The following CTNND2 variants were observed in gnomAD, a reference collection of about 807,000 sequenced individuals.
CTNND2 encodes the protein catenin delta 2.
In CTNND2, 22 loss-of-function variants were observed where a neutral mutation model predicts 144.4. The ratio of observed to expected loss-of-function variants is 0.15; its 90% CI spans 0.11 to 0.22. The LOEUF is 0.22. Among genes scored for constraint, CTNND2 ranks in the 10% least tolerant of loss-of-function variants. The pLI, the probability that CTNND2 is intolerant of heterozygous loss-of-function variation, is 1.00. For synonymous variants in CTNND2, 751 were observed against 695.6 expected (o/e 1.08, Z -1.25); for missense variants, 1,353 against 1,618.8 (o/e 0.84, Z 2.82).
At chr5:11,461,163 T>G (rs1213096239) in intron 3 of CTNND2, among the ~76,000 whole-genome samples, 2 of 151,512 alleles carry the variant, frequency 1.3e-5, no homozygotes, top group Non-Finnish European at 2.9e-5. Context: ...AGGGACTTTG[T>G]TTTTTTTTAA....
chr5:11,260,864 G>T (rs1744785315), intron 9 of CTNND2, among the ~76,000 whole-genome samples: 1 of 152,090 alleles, frequency 6.6e-6, no homozygotes, highest in Non-Finnish European at 1.5e-5. Context: ...ACTATTATAG[G>T]GAAGTATAAT....
At chr5:11,547,735 T>G (rs1283806740) in intron 3 of CTNND2, among the ~76,000 whole-genome samples, 1 of 152,154 alleles carries the variant, frequency 6.6e-6, no homozygotes. Context: ...CCAAAATAAT[T>G]AGGAAAATGT....
intron 1 of CTNND2, among the ~76,000 whole-genome samples, chr5:11,793,226 G>A (rs750690729): frequency 2.6e-5 from 4 of 152,230 alleles, no homozygotes; most frequent in East Asian, 1.9e-4. Context: ...GAGGCCCCAC[G>A]TCTGATCTGC....
chr5:11,593,139 G>A (rs551888273), intron 2 of CTNND2, among the ~76,000 whole-genome samples: 1 of 152,254 alleles, frequency 6.6e-6, no homozygotes, highest in South Asian at 2.1e-4. Context: ...GCACATGCAT[G>A]ACCTTGGAGT....
intron 2 of CTNND2, among the ~76,000 whole-genome samples, chr5:11,649,138 T>C (rs1363183461): frequency 6.6e-6 from 1 of 152,198 alleles, no homozygotes; most frequent in East Asian, 1.9e-4. Flanking sequence ...TTAACAGCTT[T>C]ATTTACATAG....
chr5:11,733,221 G>A (rs1787492507), intron 1 of CTNND2, among the ~76,000 whole-genome samples: 1 of 152,198 alleles, frequency 6.6e-6, no homozygotes, highest in South Asian at 2.1e-4. Context: ...GAAGTTCTGA[G>A]GCCTGGACTT....
chr5:11,452,708 G>A (rs926600258), intron 3 of CTNND2, among the ~76,000 whole-genome samples: 1 of 152,002 alleles, frequency 6.6e-6, no homozygotes, highest in African/African-American at 2.4e-5. Context: ...TCTTTACCCA[G>A]TAATTTATAA....
At chr5:11,503,967 T>C (rs1382559626) in intron 3 of CTNND2, among the ~76,000 whole-genome samples, 1 of 152,234 alleles carries the variant, frequency 6.6e-6, no homozygotes, top group Non-Finnish European at 1.5e-5. Flanking sequence ...AGAAAAAAAC[T>C]GCATGAAATA....
At chr5:11,733,300 T>C (rs1787498109) in intron 1 of CTNND2, among the ~76,000 whole-genome samples, 1 of 152,104 alleles carries the variant, frequency 6.6e-6, no homozygotes, top group Non-Finnish European at 1.5e-5. Context: ...TCTGACACTC[T>C]CTGAGAGTGG....
chr5:11,505,034 T>C (rs928566388), intron 3 of CTNND2, among the ~76,000 whole-genome samples: 2 of 152,202 alleles, frequency 1.3e-5, no homozygotes, highest in Non-Finnish European at 2.9e-5. Context: ...GCTAATCTCC[T>C]GCCTGGAGGC....
At chr5:10,996,443 C>T (rs939329919) in intron 18 of CTNND2, among the ~76,000 whole-genome samples, 6 of 116,696 alleles carry the variant, frequency 5.1e-5, no homozygotes, top group African/African-American at 1.7e-4. Flanking sequence ...CCAAGAAGGA[C>T]GTCTGTTCCA....
chr5:11,280,151 C>T (rs1004152823), intron 9 of CTNND2, among the ~76,000 whole-genome samples: 1 of 152,138 alleles, frequency 6.6e-6, no homozygotes, highest in African/African-American at 2.4e-5. Context: ...TTCCCCAACC[C>T]ATCTCTATAA....
At chr5:11,446,950 G>A (rs1764860973) in intron 3 of CTNND2, among the ~76,000 whole-genome samples, 1 of 151,918 alleles carries the variant, frequency 6.6e-6, no homozygotes, top group Admixed American at 6.6e-5. Context: ...TCAACTCTCT[G>A]GTGTCTCTTC....
chr5:11,297,287 A>C (rs1423706363), intron 9 of CTNND2, among the ~76,000 whole-genome samples: 1 of 152,242 alleles, frequency 6.6e-6, no homozygotes, highest in Non-Finnish European at 1.5e-5. Context: ...ATAGTATCAA[A>C]TAATAACCAC....
At chr5:11,390,257 C>T (rs978449639) in intron 6 of CTNND2, among the ~76,000 whole-genome samples, 3 of 152,122 alleles carry the variant, frequency 2.0e-5, no homozygotes, top group South Asian at 4.1e-4. Flanking sequence ...GGAGTAGGAG[C>T]CCCTAAGAAT....
chr5:11,519,119 T>G (rs570212136), intron 3 of CTNND2, among the ~76,000 whole-genome samples: 51 of 152,142 alleles, frequency 3.4e-4, no homozygotes, highest in Non-Finnish European at 6.3e-4. Flanking sequence ...TAATGGAGGT[T>G]CAGTAAGGTT....
In CTNND2 at chr5:11,269,540, C is replaced by T. The variant is rs149745467; in HGVS notation, c.1629-32717G>A. On this transcript the variant is annotated intron_variant, in intron 9 of 21. Coordinates refer to ENST00000304623, the MANE Select transcript of CTNND2 (RefSeq NM_001332.4). ...CCTAATATTCAACTGGACCACAGCA[C>T]GTATTTAACTCATTGTACTGTAATG... 1.1e-4 allele frequency among the ~76,000 whole-genome samples: 17 copies of T among 152,294 alleles called. 1 individual carries two copies. The highest frequency in any genetic ancestry group is 5.9e-4 in the Admixed American group (9 of 15,302).
chr5:11,716,997 A>C (rs1581766807), intron 2 of CTNND2, among the ~76,000 whole-genome samples: 1 of 151,972 alleles, frequency 6.6e-6, no homozygotes, highest in East Asian at 2.0e-4. Flanking sequence ...CCTCCCGAGT[A>C]GCTGAGACTG....
At chr5:11,633,618 A>T (rs1036792368) in intron 2 of CTNND2, among the ~76,000 whole-genome samples, 1 of 152,078 alleles carries the variant, frequency 6.6e-6, no homozygotes, top group Non-Finnish European at 1.5e-5. Flanking sequence ...TCTACTAAAA[A>T]TACAAAAATT....
Sources: allele counts gnomAD v4.1 joint callset (sites outside exome capture counted in the v4.1 genomes callset), GRCh38; gene constraint gnomAD v4.1.1; transcripts MANE v1.5; gene names NCBI Gene and HGNC (gene_info 2026-07-23, HGNC 2026-07-21).